Variants in DPYD observed in about 807,000 individuals in gnomAD.
The protein encoded by DPYD is dihydropyrimidine dehydrogenase [NADP(+)].
In DPYD, 109 loss-of-function variants were observed where a neutral mutation model predicts 116.2. The ratio of observed to expected loss-of-function variants is 0.94; its 90% confidence interval spans 0.80 to 1.10. The LOEUF (loss-of-function observed/expected upper bound fraction) is 1.10, where lower values mean the gene tolerates loss of function less well. DPYD is among the 50% of genes least tolerant of loss of function. The probability of loss-of-function intolerance (pLI) is 0.00; values close to 1 mark genes in which losing one functional copy is unlikely to be tolerated. For synonymous variants in DPYD, 440 were observed against 432.0 expected (o/e 1.02, Z -0.23); for missense variants, 1,302 against 1,254.5 (o/e 1.04, Z -0.57).
At chr1:97,701,640 A>G (rs1262778073) in intron 5 of DPYD, among the ~76,000 whole-genome samples, 1 of 151,848 alleles carries the variant, frequency 6.6e-6, no homozygotes, top group Non-Finnish European at 1.5e-5. Context: ...TCCCACATAT[A>G]CCACAAACTA....
intron 12 of DPYD, among the ~76,000 whole-genome samples, chr1:97,547,540 A>G (rs1369197701): frequency 2.6e-5 from 4 of 151,978 alleles, no homozygotes; most frequent in African/African-American, 7.3e-5. Flanking sequence ...TGCCTAGCCT[A>G]GTCCCTTTTG....
chr1:97,537,094 G>A (rs189821376), intron 12 of DPYD, among the ~76,000 whole-genome samples: 1 of 152,168 alleles, frequency 6.6e-6, no homozygotes, highest in Admixed American at 6.5e-5. Context: ...TTTAAAGTTG[G>A]GACTGAAGGT....
chr1:97,741,384 G>A (rs144035850), intron 3 of DPYD, among the ~76,000 whole-genome samples: 1,533 of 152,212 alleles, frequency 0.01, 26 homozygotes, highest in African/African-American at 0.035. Flanking sequence ...TTGCACCTAA[G>A]AACCACCTGG....
At chr1:97,227,753 G>A (rs1462024803) in intron 19 of DPYD, among the ~76,000 whole-genome samples, 1 of 150,718 alleles carries the variant, frequency 6.6e-6, no homozygotes, top group African/African-American at 2.5e-5. Context: ...ACCACTGAAG[G>A]TAGCACTATA....
At chr1:97,746,154 G>T (rs74105301) in intron 3 of DPYD, among the ~76,000 whole-genome samples, 9,273 of 152,134 alleles carry the variant, frequency 0.061, 345 homozygotes, top group Middle Eastern at 0.11. Flanking sequence ...GAAGGAAAGT[G>T]ACTTGTCCTA....
chr1:97,858,954 T>C (rs1031268074), intron 2 of DPYD, among the ~76,000 whole-genome samples: 1 of 152,208 alleles, frequency 6.6e-6, no homozygotes, highest in East Asian at 1.9e-4. Flanking sequence ...AATTTACAAT[T>C]CATAGAACTT....
chr1:97,079,680 T>C (rs1165317563), intron 22 of DPYD, among the ~76,000 whole-genome samples: 1 of 152,100 alleles, frequency 6.6e-6, no homozygotes, highest in Non-Finnish European at 1.5e-5. Flanking sequence ...GTTTTGAAGA[T>C]TTCCAAGCTG....
At chr1:97,173,380 A>C (rs745482718) in intron 20 of DPYD, among the ~76,000 whole-genome samples, 1 of 150,588 alleles carries the variant, frequency 6.6e-6, no homozygotes, top group South Asian at 2.1e-4. Flanking sequence ...ATATGTGTGT[A>C]TATACGTACA....
chr1:97,588,674 G>A (rs80317254), intron 10 of DPYD, among the ~76,000 whole-genome samples: 2,979 of 152,268 alleles, frequency 0.02, 83 homozygotes, highest in South Asian at 0.043. Context: ...CATCTTCTTA[G>A]AGGATAGTGT....
intron 6 of DPYD, among the ~76,000 whole-genome samples, chr1:97,693,776 G>C (rs975013205): frequency 6.6e-6 from 1 of 152,108 alleles, no homozygotes; most frequent in African/African-American, 2.4e-5. Flanking sequence ...CAGACACATT[G>C]TGAAGCCGAG....
chr1:97,264,528 G>A (rs550172975), intron 18 of DPYD, among the ~76,000 whole-genome samples: 98 of 151,878 alleles, frequency 6.5e-4, no homozygotes, highest in African/African-American at 1.3e-3. Flanking sequence ...GTGATTTGTC[G>A]AAACAATACC....
intron 19 of DPYD, 77 bp downstream of exon 19, chr1:97,234,775 T>G (rs1661794584): frequency 6.4e-7 from 1 of 1,573,752 alleles, no homozygotes; most frequent in South Asian, 1.1e-5. Flanking sequence ...ACGAATCTAT[T>G]TTTTTTTTGT....
chr1:97,250,043 G>A (rs1008248192), intron 18 of DPYD, among the ~76,000 whole-genome samples: 6 of 152,090 alleles, frequency 3.9e-5, no homozygotes, highest in Non-Finnish European at 7.4e-5. Context: ...AGGCCAAGGC[G>A]GGCGGATCAC....
chr1:97,356,092 A>G (rs2101373132), intron 16 of DPYD, among the ~76,000 whole-genome samples: 1 of 152,224 alleles, frequency 6.6e-6, no homozygotes, highest in East Asian at 1.9e-4. Context: ...TCCAACACTT[A>G]TTATCTGTTG....
chr1:97,269,856 G>C (rs1188939688), intron 18 of DPYD, among the ~76,000 whole-genome samples: 1 of 152,088 alleles, frequency 6.6e-6, no homozygotes, highest in Non-Finnish European at 1.5e-5. Flanking sequence ...TTCAACATAT[G>C]AACTTTGGAG....
chr1:97,828,407 T>C (rs1411162046), intron 2 of DPYD, among the ~76,000 whole-genome samples: 1 of 152,178 alleles, frequency 6.6e-6, no homozygotes, highest in Non-Finnish European at 1.5e-5. Context: ...CACAGAAGTC[T>C]CATTATCAAT....
intron 21 of DPYD, among the ~76,000 whole-genome samples, chr1:97,093,375 G>A (rs139729028): frequency 6.6e-6 from 1 of 152,078 alleles, no homozygotes; most frequent in Non-Finnish European, 1.5e-5. Context: ...AGAGCTTTAT[G>A]TATTTCTATT....
At chr1:97,518,887 A>G (rs1359833828) in intron 12 of DPYD, among the ~76,000 whole-genome samples, 2 of 152,096 alleles carry the variant, frequency 1.3e-5, no homozygotes, top group African/African-American at 4.8e-5. Flanking sequence ...AGTTAATATT[A>G]TAATATTATA....
chr1:97,883,264 A>G lies in DPYD; in HGVS notation c.150T>C (p.Phe50=), dbSNP rs370036611. ...GAAATAGTGTATCAGTGGTACTTAC[A>G]AAGCAGTTCTTATCAGGATTTCTTT... The part of the protein sequence containing the change: ...HWKRNPDKNC[F]NCEKLENNFD... The change falls in exon 2 of 23, where the codon TTT becomes TTC. Residue 50 remains phenylalanine (F), a splice_region_variant and synonymous_variant. Coordinates refer to ENST00000370192, the MANE Select transcript of DPYD (RefSeq NM_000110.4). 4 of 1,600,762 alleles carry G rather than the reference A, an allele frequency of 2.5e-6. No individual in the cohort carries two copies. In the African/African-American group the frequency reaches 5.4e-5, roughly 21 times the overall value.
Sources: gnomAD v4.1 joint callset for allele counts (sites outside exome capture counted in the v4.1 genomes callset) on GRCh38, gnomAD v4.1.1 for gene constraint, MANE v1.5 for transcripts, NCBI Gene and HGNC (gene_info 2026-07-23, HGNC 2026-07-21) for gene names.